The following IQCJ variants were observed in gnomAD, a reference collection of about 807,000 sequenced individuals.
IQCJ encodes the protein IQ motif containing J.
In IQCJ, 9 loss-of-function variants were observed where a neutral mutation model predicts 11.0. That is an observed-to-expected ratio of 0.82 (90% CI 0.49 to 1.43). IQCJ has a LOEUF of 1.43. Among genes scored for constraint, IQCJ ranks in the 40% most tolerant of loss-of-function variants. The probability of loss-of-function intolerance (pLI) is 0.00; values close to 1 mark genes in which losing one functional copy is unlikely to be tolerated. For missense variants in IQCJ, 146 were observed against 133.2 expected, an observed-to-expected ratio of 1.10 and a Z score of -0.47; for synonymous variants, 55 against 51.3, an observed-to-expected ratio of 1.07 and a Z score of -0.31.
rs12633945 is a variant in IQCJ, at chr3:159,201,794, T to A, written c.10-44049T>A. 2.6e-4 allele frequency among the ~76,000 whole-genome samples: 39 copies of A among 152,212 alleles called. No homozygotes were observed. In the East Asian group the frequency reaches 7.5e-3, roughly 29 times the overall value. On this transcript the variant is annotated intron_variant, in intron 1 of 3. Coordinates refer to ENST00000397832, the MANE Select transcript of IQCJ (RefSeq NM_001042706.3). ...TGATAATGATTCTTAATCTGCTTTT[T>A]TTATTGTGGATTTGGAAGTTTTCTG...
At chr3:159,151,519 G>A (rs1240602601) in intron 1 of IQCJ, among the ~76,000 whole-genome samples, 2 of 152,216 alleles carry the variant, frequency 1.3e-5, no homozygotes, top group African/African-American at 4.8e-5. Flanking sequence ...CCTCTGTGGA[G>A]CTGCCCCTCC....
intron 1 of IQCJ, among the ~76,000 whole-genome samples, chr3:159,152,820 A>C (rs1721306541): frequency 6.6e-6 from 1 of 152,254 alleles, no homozygotes; most frequent in African/African-American, 2.4e-5. Flanking sequence ...ATTTCCTCAG[A>C]AACAGGATAT....
intron 1 of IQCJ, among the ~76,000 whole-genome samples, chr3:159,090,609 A>T (rs1458433420): frequency 6.6e-6 from 1 of 151,694 alleles, no homozygotes; most frequent in African/African-American, 2.4e-5. Flanking sequence ...GGTGTGTCAT[A>T]TTGGAGGAAA....
chr3:159,167,890 C>T (rs1722262887), intron 1 of IQCJ, among the ~76,000 whole-genome samples: 1 of 152,190 alleles, frequency 6.6e-6, no homozygotes, highest in Non-Finnish European at 1.5e-5. Context: ...AGAGATAAAA[C>T]TTAATTCCAT....
chr3:159,253,506 A>G (rs1727718844), intron 3 of IQCJ, among the ~76,000 whole-genome samples: 2 of 152,072 alleles, frequency 1.3e-5, no homozygotes, highest in African/African-American at 4.8e-5. Context: ...AATATTTATG[A>G]CCGTTTTCCG....
At chr3:159,145,986 G>A (rs1455220007) in intron 1 of IQCJ, among the ~76,000 whole-genome samples, 1 of 152,186 alleles carries the variant, frequency 6.6e-6, no homozygotes, top group African/African-American at 2.4e-5. Context: ...AAGGCTACAT[G>A]AAGTAGATTT....
At chr3:159,207,805 A>G (rs1408292450) in intron 1 of IQCJ, among the ~76,000 whole-genome samples, 1 of 152,196 alleles carries the variant, frequency 6.6e-6, no homozygotes, top group Non-Finnish European at 1.5e-5. Flanking sequence ...GGGAGGGGTA[A>G]TAACGAACTT....
chr3:159,250,341 C>T (rs1464379224), intron 2 of IQCJ, among the ~76,000 whole-genome samples: 1 of 152,030 alleles, frequency 6.6e-6, no homozygotes, highest in Non-Finnish European at 1.5e-5. Context: ...ACAGGCCCTA[C>T]AATATATAAC....
At chr3:159,108,972 C>G (rs1331220639) in intron 1 of IQCJ, among the ~76,000 whole-genome samples, 2 of 152,106 alleles carry the variant, frequency 1.3e-5, no homozygotes, top group Non-Finnish European at 2.9e-5. Flanking sequence ...CCTCCTGGGT[C>G]CCAGGACTGT....
intron 2 of IQCJ, among the ~76,000 whole-genome samples, chr3:159,247,435 T>C (rs767122947): frequency 6.6e-6 from 1 of 152,158 alleles, no homozygotes; most frequent in Non-Finnish European, 1.5e-5. Flanking sequence ...CCTTCAGAAA[T>C]GAAAACCAGG....
chr3:159,145,719 A>G (rs915376659), intron 1 of IQCJ, among the ~76,000 whole-genome samples: 12 of 152,108 alleles, frequency 7.9e-5, no homozygotes, highest in Admixed American at 3.3e-4. Flanking sequence ...AAAAATACTT[A>G]CTGATCCTAT....
rs74285253 is a variant in IQCJ, at chr3:159,246,417, C to T, written c.74+510C>T. Among the ~76,000 whole-genome samples, 120 of 152,202 alleles carry T rather than the reference C, an allele frequency of 7.9e-4. 1 individual carries two copies. In the East Asian group the frequency reaches 0.018, roughly 23 times the overall value. ...GAGACTCATCAAATTCTGATTATAG[C>T]CTTTTGATATAGGCATTATTATTTC... is the stretch of plus-strand genomic sequence containing the variant. On this transcript the variant is annotated intron_variant, in intron 2 of 3. Transcript: ENST00000397832.
chr3:159,093,362 C>T (rs1011440819), intron 1 of IQCJ, among the ~76,000 whole-genome samples: 12 of 151,912 alleles, frequency 7.9e-5, no homozygotes, highest in Non-Finnish European at 8.8e-5. Flanking sequence ...TTTTATATCA[C>T]CACTTCCAAC....
chr3:159,069,475 G>C, intron 1 of IQCJ, 34 bp downstream of exon 1: 1 of 1,602,568 alleles, frequency 6.2e-7, no homozygotes. Flanking sequence ...GTGCCACTTT[G>C]ATGTGCATTA....
chr3:159,116,224 A>G (rs1289478335), intron 1 of IQCJ, among the ~76,000 whole-genome samples: 2 of 151,878 alleles, frequency 1.3e-5, no homozygotes, highest in Non-Finnish European at 2.9e-5. Flanking sequence ...ACAGAGAAAG[A>G]CTCTGTCTCA....
At chr3:159,110,400 ATC>A (rs1389027561) in intron 1 of IQCJ, among the ~76,000 whole-genome samples, 1 of 152,112 alleles carries the variant, frequency 6.6e-6, no homozygotes, top group Non-Finnish European at 1.5e-5. Context: ...GTACCTTTGC[ATC>A]TGTTTCCTCT....
chr3:159,080,294 A>T (rs894456068), intron 1 of IQCJ, among the ~76,000 whole-genome samples: 1 of 152,094 alleles, frequency 6.6e-6, no homozygotes, highest in African/African-American at 2.4e-5. Flanking sequence ...GAACCCATTA[A>T]TTCCACCCAC....
At chr3:159,087,356 C>T (rs1044788181) in intron 1 of IQCJ, among the ~76,000 whole-genome samples, 4 of 149,070 alleles carry the variant, frequency 2.7e-5, no homozygotes, top group African/African-American at 1.0e-4. Flanking sequence ...CAATGTTCAT[C>T]AAGGATATTG....
At chr3:159,074,571 G>T (rs1715792891) in intron 1 of IQCJ, among the ~76,000 whole-genome samples, 1 of 151,994 alleles carries the variant, frequency 6.6e-6, no homozygotes, top group South Asian at 2.1e-4. Context: ...TTTCATCTCA[G>T]GCACTGCTCG....
Sources: gnomAD v4.1 joint callset for allele counts (sites outside exome capture counted in the v4.1 genomes callset) on GRCh38, gnomAD v4.1.1 for gene constraint, MANE v1.5 for transcripts, NCBI Gene and HGNC (gene_info 2026-07-23, HGNC 2026-07-21) for gene names.